ZNF423: variants seen among roughly 807,000 people sequenced by gnomAD.
The protein encoded by ZNF423 is zinc finger protein 423.
Under a neutral mutation model 95.8 loss-of-function variants are expected in ZNF423, and 12 were observed. The ratio of observed to expected loss-of-function variants is 0.13; its 90% CI spans 0.08 to 0.20. The LOEUF (loss-of-function observed/expected upper bound fraction) is 0.20, where lower values mean the gene tolerates loss of function less well. Ranked by LOEUF, ZNF423 falls within the 10% of genes least tolerant of loss-of-function variation. ZNF423 has a pLI of 1.00. For missense variants in ZNF423, 1,316 were observed against 1,737.1 expected, an observed-to-expected ratio of 0.76 and a Z score of 4.31; for synonymous variants, 749 against 711.9, an observed-to-expected ratio of 1.05 and a Z score of -0.83.
At chr16:49,633,646 A>G (rs11076490) in intron 4 of ZNF423, among the ~76,000 whole-genome samples, 121,949 of 152,088 alleles carry the variant, frequency 0.8, 49,748 homozygotes, top group African/African-American at 0.95. Context: ...CTCCAAGGCC[A>G]AAACATTCCC....
chr16:49,560,579 C>T (rs1054425400), intron 5 of ZNF423, among the ~76,000 whole-genome samples: 1 of 152,298 alleles, frequency 6.6e-6, no homozygotes. Context: ...TTCGTGCTAT[C>T]GTGTGTGGTG....
intron 5 of ZNF423, among the ~76,000 whole-genome samples, chr16:49,581,397 T>G (rs1165020347): frequency 6.6e-6 from 1 of 152,214 alleles, no homozygotes; most frequent in African/African-American, 2.4e-5. Flanking sequence ...TAACACTTAC[T>G]GAAATTACAC....
chr16:49,857,303 T>TGATGGC (rs2035381650), upstream of ZNF423, among the ~76,000 whole-genome samples: 1 of 102,710 alleles, frequency 9.7e-6, no homozygotes, highest in Admixed American at 9.1e-5. This position sits in a 1 kb window ranked among gnomAD's most constrained non-coding sequence, Gnocchi z 6.2. Context: ...ACCCGGACCG[T>TGATGGC]GGTGGCGGCG....
At chr16:49,696,737 C>T (rs1217884091) in intron 3 of ZNF423, among the ~76,000 whole-genome samples, 1 of 151,900 alleles carries the variant, frequency 6.6e-6, no homozygotes, top group East Asian at 1.9e-4. Context: ...GACCTGGCCT[C>T]ATTAAGTGCC....
intron 1 of ZNF423, among the ~76,000 whole-genome samples, chr16:49,828,267 T>C (rs1452158347): frequency 6.6e-6 from 1 of 152,250 alleles, no homozygotes; most frequent in Non-Finnish European, 1.5e-5. Flanking sequence ...AAATATCTCC[T>C]GTTTATCTTG....
rs773545954 is a variant in ZNF423 at position 49,638,497 on chromosome 16, T to C, written c.679A>G (p.Ser227Gly). Residue 227 changes from serine (S) to glycine (G), a missense_variant, in exon 4 of 8, where the codon AGC becomes GGC. Physicochemically the swap from Ser to Gly is moderately conservative, Grantham distance 56. Transcript: ENST00000563137. The surrounding 1 kb of genome is among the most constrained non-coding windows in gnomAD (Gnocchi z 5.6). ...LKIHLKTHSS[S>G]KPFKCTVCKR... ...CACACAGTGCACTTGAAGGGCTTGC[T>C]GGAGCTGTGGGTCTTCAGGTGGATC... 6.2e-7 allele frequency: 1 copy of C among 1,613,864 alleles called. No individual in the cohort carries two copies. The highest frequency in any genetic ancestry group is 1.7e-5 in the Admixed American group (1 of 60,028).
chr16:49,597,285 C>T (rs1300780689), intron 5 of ZNF423, among the ~76,000 whole-genome samples: 1 of 152,168 alleles, frequency 6.6e-6, no homozygotes, highest in Non-Finnish European at 1.5e-5. Flanking sequence ...CTAGAGCTAT[C>T]CTATCTACTC....
rs370614281 is a variant in ZNF423, at chr16:49,504,620, G to A, written c.3850-13316C>T. On this transcript the variant is annotated intron_variant, in intron 7 of 7. Coordinates refer to ENST00000563137, the MANE Select transcript of ZNF423 (RefSeq NM_001379286.1). ...AAAAAAGTGGGCAGGATCTTAGAAG[G>A]TAAGAGAAAGGGTTGCTGCACCAAT... Among the ~76,000 whole-genome samples the A allele has an allele frequency of 8.0e-3, 1,216 of 152,216 alleles. 3 individuals carry two copies. Among genetic ancestry groups the A allele is most frequent in the Non-Finnish European group, 0.013 (857 of 68,008 alleles).
intron 5 of ZNF423, among the ~76,000 whole-genome samples, chr16:49,614,358 AATGGCACAGCCAC>A (rs149069403): frequency 0.016 from 2,509 of 152,366 alleles, 65 homozygotes; most frequent in African/African-American, 0.057. Flanking sequence ...AGGAATGTAA[AATGGCACAGCCAC>A]TGTGGAAAAC....
At chr16:49,594,305 T>C (rs1971113919) in intron 5 of ZNF423, among the ~76,000 whole-genome samples, 1 of 152,122 alleles carries the variant, frequency 6.6e-6, no homozygotes, top group African/African-American at 2.4e-5. Context: ...TCTCCTCTCC[T>C]TCCATCAGAA....
At chr16:49,746,260 T>G (rs2033522287) in intron 2 of ZNF423, among the ~76,000 whole-genome samples, 1 of 151,958 alleles carries the variant, frequency 6.6e-6, no homozygotes, top group African/African-American at 2.4e-5. Context: ...GGCCACTGGG[T>G]GCGGGAAGAA....
chr16:49,501,417 C>T (rs1328243783), intron 7 of ZNF423, among the ~76,000 whole-genome samples: 1 of 152,146 alleles, frequency 6.6e-6, no homozygotes, highest in East Asian at 1.9e-4. Flanking sequence ...AATGCTTATA[C>T]ACTGTTGGTG....
At chr16:49,840,428 G>A (rs1019134955) in intron 1 of ZNF423, among the ~76,000 whole-genome samples, 8 of 152,086 alleles carry the variant, frequency 5.3e-5, no homozygotes, top group African/African-American at 1.9e-4. Context: ...TTTACACATG[G>A]CCAGCTGAAT....
intron 2 of ZNF423, among the ~76,000 whole-genome samples, chr16:49,744,298 C>T (rs1204542300): frequency 6.6e-6 from 1 of 152,266 alleles, no homozygotes; most frequent in East Asian, 1.9e-4. Context: ...GTCCGAGAAG[C>T]CTCAGCACAC....
chr16:49,534,310 ATGGC>A (rs1968977488), intron 5 of ZNF423, among the ~76,000 whole-genome samples: 1 of 149,534 alleles, frequency 6.7e-6, no homozygotes, highest in South Asian at 2.1e-4. Context: ...CTGGAGTGCC[ATGGC>A]ACGTTCTCAG....
intron 5 of ZNF423, among the ~76,000 whole-genome samples, chr16:49,552,263 G>A (rs567972916): frequency 6.6e-6 from 1 of 152,346 alleles, no homozygotes; most frequent in East Asian, 1.9e-4. Context: ...CTGACTCACT[G>A]TGTGACCTTG....
At chr16:49,547,520 T>C (rs2883921) in intron 5 of ZNF423, among the ~76,000 whole-genome samples, 150,276 of 152,358 alleles carry the variant, frequency 0.99, 74,116 homozygotes, top group East Asian at 1. Context: ...AGAGGATGTT[T>C]GCATTCATCA....
intron 3 of ZNF423, among the ~76,000 whole-genome samples, chr16:49,676,156 G>A (rs1054630909): frequency 2.0e-5 from 3 of 152,238 alleles, no homozygotes; most frequent in Non-Finnish European, 2.9e-5. Context: ...GTGGGCAAAC[G>A]GGAACAGCCC....
Position 49,561,451 on chromosome 16 carries a change from G to A in ZNF423, c.3602-35957C>T, listed in dbSNP as rs564476069. Among the ~76,000 whole-genome samples the A allele has an allele frequency of 2.6e-5, 4 of 152,178 alleles. No homozygotes were observed. In the South Asian group the frequency reaches 6.2e-4, roughly 24 times the overall value. Reference sequence around the variant, plus strand: ...TACACAGAATACAGATGACATGCACGTACTTTTAACCTTTGTATACTCCCC... The same window carrying A: ...TACACAGAATACAGATGACATGCACATACTTTTAACCTTTGTATACTCCCC... On this transcript the variant is annotated intron_variant, in intron 5 of 7. Coordinates refer to ENST00000563137, the MANE Select transcript of ZNF423 (RefSeq NM_001379286.1).
Sources: allele counts gnomAD v4.1 joint callset (sites outside exome capture counted in the v4.1 genomes callset), GRCh38; gene constraint gnomAD v4.1.1; non-coding constraint Gnocchi (gnomAD v3.1); transcripts MANE v1.5; gene names NCBI Gene and HGNC (gene_info 2026-07-23, HGNC 2026-07-21).